Variants in IQGAP2 observed in about 807,000 individuals in gnomAD.
The protein encoded by IQGAP2 is ras GTPase-activating-like protein IQGAP2.
A neutral mutation model predicts 201.3 loss-of-function variants in IQGAP2; 173 were observed. That is an observed-to-expected ratio of 0.86 (90% CI 0.76 to 0.98). The LOEUF (loss-of-function observed/expected upper bound fraction) is 0.98. Among genes scored for constraint, IQGAP2 ranks in the 50% least tolerant of loss-of-function variants. The probability of loss-of-function intolerance (pLI) is 0.00; values close to 1 mark genes in which losing one functional copy is unlikely to be tolerated. For missense variants in IQGAP2, 1,687 were observed against 1,864.8 expected (o/e 0.90, Z 1.76); for synonymous variants, 675 against 673.9 (o/e 1.00, Z -0.03).
In IQGAP2 at chr5:76,677,300, A is replaced by G. The variant is rs201192766; in HGVS notation, c.3610A>G (p.Ser1204Gly). ...CAAATACACAGACCTGGTGACAGTC[A>G]GCAAACCAGTCATTTATATTTCAAT... is the stretch of plus-strand genomic sequence containing the variant. ...MDKYTDLVTV[S>G]KPVIYISIEE... is the part of the protein sequence containing the mutation. Residue 1204 changes from serine to glycine, a missense_variant, in exon 28 of 36, where the codon AGC becomes GGC. By Grantham distance (56) the Ser-to-Gly change is moderately conservative (BLOSUM62 0). Coordinates refer to ENST00000274364, the MANE Select transcript of IQGAP2 (RefSeq NM_006633.5). The G allele has an allele frequency of 1.3e-5, 21 of 1,613,844 alleles. No homozygotes were observed. In the East Asian group the frequency reaches 4.5e-4, roughly 34 times the overall value.
Position 76,589,656 on chromosome 5 carries a change from G to T in IQGAP2, c.568G>T (p.Gly190Ter), listed in dbSNP as rs1369697897. Reference sequence around the variant, plus strand: ...TATGAGAAAAGAACTTGAGAAATATGGAATACAGATGCCATCTTTCAGCAA... The same window carrying T: ...TATGAGAAAAGAACTTGAGAAATATTGAATACAGATGCCATCTTTCAGCAA... ...SNMRKELEKY[G>*]IQMPSFSKIG... The change falls in exon 7 of 36, where the codon GGA (glycine) becomes TGA (stop). Residue 190 changes from glycine (G) to a stop codon, truncating the protein, a stop_gained. Coordinates refer to ENST00000274364, the MANE Select transcript of IQGAP2 (RefSeq NM_006633.5). LOFTEE classifies it high-confidence loss of function. The T allele has an allele frequency of 6.2e-7, 1 of 1,608,456 alleles. No homozygotes were observed.
At chr5:76,488,223 G>A (rs1047480173) in intron 2 of IQGAP2, among the ~76,000 whole-genome samples, 3 of 152,232 alleles carry the variant, frequency 2.0e-5, no homozygotes, top group African/African-American at 7.2e-5. Flanking sequence ...TATTATAAAT[G>A]TGAGGTGAAG....
chr5:76,644,282 ATTTTTGTAAATCCTTTTTT>A (rs66536122), intron 17 of IQGAP2, among the ~76,000 whole-genome samples: 28,778 of 75,810 alleles, frequency 0.38, 2,574 homozygotes, highest in Non-Finnish European at 0.45. Flanking sequence ...TGAGACTGCC[ATTTTTGTAAATCCTTTTTT>A]TTTTTTTTTT....
intron 12 of IQGAP2, among the ~76,000 whole-genome samples, chr5:76,610,197 A>G (rs1336011446): frequency 7.8e-6 from 1 of 127,794 alleles, no homozygotes; most frequent in African/African-American, 3.0e-5. Flanking sequence ...CAGTGGTGCA[A>G]TCTTGGCTCA....
chr5:76,540,179 T>C (rs1742668820), intron 2 of IQGAP2, among the ~76,000 whole-genome samples: 1 of 152,210 alleles, frequency 6.6e-6, no homozygotes, highest in Non-Finnish European at 1.5e-5. Flanking sequence ...CTGCTTCCTC[T>C]TCATATTCAC....
chr5:76,425,157 G>T (rs1313084688), intron 1 of IQGAP2, among the ~76,000 whole-genome samples: 1 of 152,134 alleles, frequency 6.6e-6, no homozygotes, highest in Non-Finnish European at 1.5e-5. Flanking sequence ...CCCTGCATTC[G>T]CTTAATCCAT....
At position 76,699,867 on chromosome 5, in the gene IQGAP2, CCATATATAGT is replaced by C. The variant is rs1561609243; in HGVS notation, c.4368-1208_4368-1199del. 2.2e-3 allele frequency among the ~76,000 whole-genome samples: 244 copies of C among 108,888 alleles called. 21 individuals carry two copies. Among genetic ancestry groups the C allele is most frequent in the East Asian group, 6.5e-3 (22 of 3,378 alleles). The allele number at this position is 108,888 out of a possible 152,430, so 71.4% of individuals were successfully genotyped here. ...TCTCACTCTCGTGCTCTCTCTCTCT[CCATATATAGT>C]TCATTTGCTTCAGGCTTCTTTCTGT... On this transcript the variant is annotated intron_variant, in intron 33 of 35. Coordinates refer to ENST00000274364, the MANE Select transcript of IQGAP2 (RefSeq NM_006633.5).
chr5:76,560,661 T>G lies in IQGAP2; in HGVS notation c.147-1735T>G, dbSNP rs186067404. Among the ~76,000 whole-genome samples, 9 of 152,332 alleles carry G rather than the reference T, an allele frequency of 5.9e-5. No homozygotes were observed. In the South Asian group the frequency reaches 1.5e-3, roughly 25 times the overall value. On this transcript the variant is annotated intron_variant, in intron 2 of 35. Transcript: ENST00000274364. ...CCTTTACTCCCAAACTTTTTCTGAT[T>G]ATATCCTACCATGTAGCATTGCACA...
intron 13 of IQGAP2, among the ~76,000 whole-genome samples, chr5:76,619,556 G>C (rs1053430127): frequency 7.8e-6 from 1 of 127,882 alleles, no homozygotes; most frequent in Non-Finnish European, 1.6e-5. Flanking sequence ...TCACTCTGTC[G>C]CCCAGGCTGG....
intron 22 of IQGAP2, among the ~76,000 whole-genome samples, chr5:76,668,383 T>C (rs1743980981): frequency 6.6e-6 from 1 of 150,388 alleles, no homozygotes; most frequent in South Asian, 2.1e-4. Flanking sequence ...ATGAATAATA[T>C]TAAGTAATTA....
intron 13 of IQGAP2, 124 bp from the exon 14 acceptor site, chr5:76,627,286 G>A: frequency 1.4e-6 from 1 of 740,072 alleles, no homozygotes; most frequent in Non-Finnish European, 2.4e-6. Flanking sequence ...ATATGGCAGA[G>A]CTGGATAGTT....
At chr5:76,666,615 G>A (rs1472477007) in intron 22 of IQGAP2, among the ~76,000 whole-genome samples, 3 of 152,214 alleles carry the variant, frequency 2.0e-5, no homozygotes, top group South Asian at 2.1e-4. Flanking sequence ...TGTATCAAGT[G>A]AACTCTCTCT....
rs142337495 is a variant in IQGAP2, at chr5:76,472,178, C to T, written c.146+10509C>T. On this transcript the variant is annotated intron_variant, in intron 2 of 35. Coordinates refer to ENST00000274364, the MANE Select transcript of IQGAP2 (RefSeq NM_006633.5). ...CCAGCTTGCCTCAGGAGCCCTGTGCCAGCGAGGCTGAGATCAGGGCCTGGC... is the reference window on the plus strand; with the variant it reads ...CCAGCTTGCCTCAGGAGCCCTGTGCTAGCGAGGCTGAGATCAGGGCCTGGC... 4.3e-3 allele frequency among the ~76,000 whole-genome samples: 651 copies of T among 152,332 alleles called. 7 individuals carry two copies. The highest frequency in any genetic ancestry group is 0.014 in the African/African-American group (569 of 41,568).
At chr5:76,575,799 C>G (rs1482497091) in intron 5 of IQGAP2, 30 bp downstream of exon 5, 1 of 1,274,220 alleles carries the variant, frequency 7.8e-7, no homozygotes, top group East Asian at 2.5e-5. Flanking sequence ...AAAAGGTGCT[C>G]TAAGAAGTAG....
chr5:76,502,080 A>G (rs894243551), intron 2 of IQGAP2, among the ~76,000 whole-genome samples: 2 of 152,196 alleles, frequency 1.3e-5, no homozygotes, highest in African/African-American at 4.8e-5. Context: ...AATGGTTGCT[A>G]TGGTTGCTGT....
intron 28 of IQGAP2, among the ~76,000 whole-genome samples, chr5:76,681,113 A>C (rs1466653029): frequency 6.6e-6 from 1 of 151,036 alleles, no homozygotes; most frequent in Non-Finnish European, 1.5e-5. Flanking sequence ...AAAAAAAAAA[A>C]AAACTTGAGA....
intron 3 of IQGAP2, among the ~76,000 whole-genome samples, chr5:76,568,034 T>C (rs1022449348): frequency 2.0e-5 from 3 of 152,182 alleles, no homozygotes; most frequent in Non-Finnish European, 4.4e-5. Flanking sequence ...TTGTTAAAGA[T>C]GATTATAGTG....
At chr5:76,534,968 T>A (rs1369533430) in intron 2 of IQGAP2, among the ~76,000 whole-genome samples, 1 of 152,210 alleles carries the variant, frequency 6.6e-6, no homozygotes, top group Non-Finnish European at 1.5e-5. Context: ...AAAGTATTTG[T>A]CCCTTGGGCA....
At position 76,678,523 on chromosome 5, in the gene IQGAP2, A is replaced by T. The variant is rs145255145; in HGVS notation, c.3660+1173A>T. ...AAAAAATCTTGGTTTTTAAAAGGTA[A>T]CCATTTCAAGAATAGTTTCAGACCT... On this transcript the variant is annotated intron_variant, in intron 28 of 35. Coordinates refer to ENST00000274364, the MANE Select transcript of IQGAP2 (RefSeq NM_006633.5). Among the ~76,000 whole-genome samples the T allele has an allele frequency of 8.8e-3, 1,344 of 152,300 alleles. 19 individuals are homozygous for T. The highest frequency in any genetic ancestry group is 0.03 in the African/African-American group (1,261 of 41,550).
Sources: allele counts gnomAD v4.1 joint callset (sites outside exome capture counted in the v4.1 genomes callset), GRCh38; gene constraint gnomAD v4.1.1; transcripts MANE v1.5; gene names NCBI Gene and HGNC (gene_info 2026-07-23, HGNC 2026-07-21).